Variants in PARD3 observed in about 807,000 individuals in gnomAD.
PARD3 encodes the protein par-3 family cell polarity regulator, also known as partitioning defective 3 homolog.
PARD3 carries 75 observed loss-of-function variants against 155.4 expected under a neutral mutation model. The ratio of observed to expected loss-of-function variants is 0.48; its 90% CI spans 0.40 to 0.58. The LOEUF is 0.58. PARD3 is among the 20% of genes least tolerant of loss of function. The pLI is 0.00. For synonymous variants in PARD3, 576 were observed against 610.5 expected, an observed-to-expected ratio of 0.94 and a Z score of 0.83; for missense variants, 1,642 against 1,721.7, an observed-to-expected ratio of 0.95 and a Z score of 0.82.
Position 34,520,339 on chromosome 10 carries a change from G to A in PARD3, c.223-3180C>T, listed in dbSNP as rs964918477. Among the ~76,000 whole-genome samples, 6 of 151,994 alleles carry A rather than the reference G, an allele frequency of 3.9e-5. No homozygotes were observed. The East Asian group carries it at 7.7e-4, about 19-fold the overall frequency. ...AGTACCAGGGTTCATACCATACCACGGTAATTGGTATGAAGAAATCACAGT... is the reference window on the plus strand; with the variant it reads ...AGTACCAGGGTTCATACCATACCACAGTAATTGGTATGAAGAAATCACAGT... On this transcript the variant is annotated intron_variant, in intron 2 of 24. Coordinates refer to ENST00000374788, the MANE Select transcript of PARD3 (RefSeq NM_001184785.2).
chr10:34,668,486 T>G (rs1487533461), intron 2 of PARD3, among the ~76,000 whole-genome samples: 2 of 151,952 alleles, frequency 1.3e-5, no homozygotes, highest in African/African-American at 4.8e-5. Context: ...TTCAAGAGAG[T>G]TCAAAATCCA....
intron 16 of PARD3, among the ~76,000 whole-genome samples, chr10:34,341,008 A>C (rs1268002263): frequency 6.6e-6 from 1 of 152,160 alleles, no homozygotes; most frequent in African/African-American, 2.4e-5. Context: ...TATAATTACT[A>C]GGCATAAACA....
At chr10:34,765,434 T>C (rs1050288517) in intron 1 of PARD3, among the ~76,000 whole-genome samples, 3 of 151,946 alleles carry the variant, frequency 2.0e-5, no homozygotes, top group African/African-American at 7.3e-5. Context: ...TCCCAGCACT[T>C]TGGGAGGCTG....
intron 21 of PARD3, among the ~76,000 whole-genome samples, chr10:34,280,945 A>G (rs1377385442): frequency 6.6e-6 from 1 of 152,234 alleles, no homozygotes; most frequent in Non-Finnish European, 1.5e-5. Context: ...TCTCAAACAT[A>G]CTTGTAAACA....
At chr10:34,749,864 T>C (rs1055137949) in intron 1 of PARD3, among the ~76,000 whole-genome samples, 22 of 151,974 alleles carry the variant, frequency 1.4e-4, no homozygotes, top group Admixed American at 1.3e-4. Context: ...CTACTAAAAA[T>C]ACAAAAAGTT....
chr10:34,808,283 C>CA (rs746206006), intron 1 of PARD3, among the ~76,000 whole-genome samples: 23 of 152,074 alleles, frequency 1.5e-4, no homozygotes, highest in Non-Finnish European at 2.8e-4. Context: ...CACTTCACTC[C>CA]AGCCTGGGTG....
At chr10:34,322,241 G>A (rs1958425932) in intron 19 of PARD3, among the ~76,000 whole-genome samples, 1 of 152,132 alleles carries the variant, frequency 6.6e-6, no homozygotes, top group African/African-American at 2.4e-5. Flanking sequence ...CAATAAGACA[G>A]TAAAAGGCCT....
At chr10:34,252,422 C>T (rs1289775623) in intron 22 of PARD3, among the ~76,000 whole-genome samples, 2 of 152,132 alleles carry the variant, frequency 1.3e-5, no homozygotes, top group Non-Finnish European at 2.9e-5. Context: ...CCGTTGCTCT[C>T]CTTGGAAGCC....
intron 3 of PARD3, among the ~76,000 whole-genome samples, chr10:34,498,594 C>A (rs1033809315): frequency 7.2e-5 from 11 of 151,938 alleles, no homozygotes; most frequent in Admixed American, 7.2e-4. Context: ...CTGGCCAACA[C>A]GGCAAAACCC....
intron 22 of PARD3, among the ~76,000 whole-genome samples, chr10:34,215,145 C>G (rs1333113760): frequency 3.3e-5 from 5 of 152,192 alleles, no homozygotes. Context: ...CATTTTGCCT[C>G]ATTCTTGGAA....
intron 1 of PARD3, among the ~76,000 whole-genome samples, chr10:34,756,065 T>C (rs1836679430): frequency 6.6e-6 from 1 of 151,452 alleles, no homozygotes; most frequent in South Asian, 2.1e-4. Context: ...GGGGCTAGGA[T>C]GCTAATCTGG....
At chr10:34,312,066 G>A (rs1957728584) in intron 20 of PARD3, among the ~76,000 whole-genome samples, 1 of 152,066 alleles carries the variant, frequency 6.6e-6, no homozygotes, top group Admixed American at 6.6e-5. Context: ...AGCAGTGAGA[G>A]GACTATGGTT....
intron 3 of PARD3, among the ~76,000 whole-genome samples, chr10:34,502,754 C>CA (rs568960818): frequency 1.1e-4 from 16 of 150,736 alleles, no homozygotes; most frequent in African/African-American, 2.9e-4. Context: ...GATCCCATCT[C>CA]AAAAAAAACA....
chr10:34,266,769 T>C (rs915805295), intron 22 of PARD3, among the ~76,000 whole-genome samples: 41 of 152,134 alleles, frequency 2.7e-4, no homozygotes, highest in African/African-American at 7.0e-4. Context: ...GAGTTTCAGT[T>C]TGGGGTTAGC....
chr10:34,351,562 T>C (rs1279988646), intron 14 of PARD3, among the ~76,000 whole-genome samples: 1 of 152,252 alleles, frequency 6.6e-6, no homozygotes, highest in East Asian at 1.9e-4. Flanking sequence ...TAGAGCACAG[T>C]TTCACATTCT....
chr10:34,587,674 A>C lies in PARD3; in HGVS notation c.223-70515T>G, dbSNP rs189544073. Among the ~76,000 whole-genome samples, 890 of 152,306 alleles carry C rather than the reference A, an allele frequency of 5.8e-3. 2 individuals carry two copies. Among genetic ancestry groups the C allele is most frequent in the African/African-American group, 0.02 (835 of 41,564 alleles). ...GTGTTTTAGACACCAAGATATCTAC[A>C]GTCTCAGGAGCAACTTGCTTTAGCT... On this transcript the variant is annotated intron_variant, in intron 2 of 24. Transcript: ENST00000374788.
intron 22 of PARD3, among the ~76,000 whole-genome samples, chr10:34,226,537 G>A (rs532349842): frequency 5.9e-5 from 9 of 152,266 alleles, no homozygotes; most frequent in Admixed American, 1.3e-4. Context: ...GGGAAAGAGC[G>A]AAACTTTGTC....
chr10:34,781,824 A>C (rs1242620602), intron 1 of PARD3, among the ~76,000 whole-genome samples: 1 of 152,236 alleles, frequency 6.6e-6, no homozygotes, highest in Non-Finnish European at 1.5e-5. Context: ...TGAACCAATG[A>C]CAGAACACTG....
intron 22 of PARD3, among the ~76,000 whole-genome samples, chr10:34,231,917 G>A (rs1243980000): frequency 6.6e-6 from 1 of 152,024 alleles, no homozygotes; most frequent in Non-Finnish European, 1.5e-5. Context: ...ATAGCACTTT[G>A]ACCAAGAAAT....
Sources: gnomAD v4.1 joint callset for allele counts (sites outside exome capture counted in the v4.1 genomes callset) on GRCh38, gnomAD v4.1.1 for gene constraint, MANE v1.5 for transcripts, NCBI Gene and HGNC (gene_info 2026-07-23, HGNC 2026-07-21) for gene names.